Variants in AFG2A observed in about 807,000 individuals in gnomAD.
AFG2A encodes ATPase family gene 2 protein homolog A.
At chr4:123,214,744 G>T in the AFG2A span, among the ~76,000 whole-genome samples, 2 of 151,956 alleles carry the variant, frequency 1.3e-5, no homozygotes, top group Non-Finnish European at 2.9e-5. Context: ...TAAGGATGAA[G>T]ACATGAAGAC....
chr4:123,212,416 T>A, the AFG2A span, among the ~76,000 whole-genome samples: 1 of 152,186 alleles, frequency 6.6e-6, no homozygotes, highest in East Asian at 1.9e-4. Flanking sequence ...GAGGATTTAT[T>A]GTTTACAAAG....
At chr4:122,956,271 C>A in the AFG2A span, among the ~76,000 whole-genome samples, 1 of 152,138 alleles carries the variant, frequency 6.6e-6, no homozygotes, top group African/African-American at 2.4e-5. Context: ...AGTAGGAGTT[C>A]TACAGTGAGA....
the AFG2A span, among the ~76,000 whole-genome samples, chr4:123,087,972 G>A: frequency 2.0e-5 from 3 of 152,226 alleles, no homozygotes; most frequent in South Asian, 6.2e-4. Flanking sequence ...TACACTGCAG[G>A]CAGCCATGGT....
At chr4:122,932,040 G>A in the AFG2A span, among the ~76,000 whole-genome samples, 2 of 152,154 alleles carry the variant, frequency 1.3e-5, no homozygotes, top group African/African-American at 4.8e-5. Flanking sequence ...GCTGAGGTGG[G>A]TGGATCGCCT....
At chr4:122,923,312 A>G in the AFG2A span, 6 of 1,613,618 alleles carry the variant, frequency 3.7e-6, no homozygotes, top group Non-Finnish European at 5.1e-6. Flanking sequence ...AAGGGTAAAG[A>G]ATTCCGGGTG....
chr4:122,924,818 A>G, the AFG2A span, among the ~76,000 whole-genome samples: 138,012 of 152,050 alleles, frequency 0.91, 62,865 homozygotes, highest in East Asian at 0.96. Context: ...GTCACAGATC[A>G]GCACTTTTCT....
At chr4:123,248,416 C>T in the AFG2A span, among the ~76,000 whole-genome samples, 1 of 152,126 alleles carries the variant, frequency 6.6e-6, no homozygotes, top group Non-Finnish European at 1.5e-5. Context: ...ATTCCTGGAA[C>T]ATTGAGAATT....
the AFG2A span, among the ~76,000 whole-genome samples, chr4:123,097,196 A>G: frequency 6.6e-6 from 1 of 152,046 alleles, no homozygotes; most frequent in African/African-American, 2.4e-5. Context: ...AATATTTAGG[A>G]ATGTCCACAA....
the AFG2A span, among the ~76,000 whole-genome samples, chr4:123,161,243 T>C: frequency 1.3e-5 from 2 of 152,208 alleles, no homozygotes; most frequent in African/African-American, 4.8e-5. Context: ...ATGTTTATCA[T>C]ATACAATATT....
At chr4:123,262,734 C>A in the AFG2A span, among the ~76,000 whole-genome samples, 10 of 152,232 alleles carry the variant, frequency 6.6e-5, no homozygotes, top group Admixed American at 3.9e-4. Context: ...CAATTAATTT[C>A]TTTTATTTCC....
chr4:123,088,161 T>C, the AFG2A span, among the ~76,000 whole-genome samples: 1 of 152,234 alleles, frequency 6.6e-6, no homozygotes, highest in African/African-American at 2.4e-5. Flanking sequence ...TGAGCCATTG[T>C]GCACTTTATC....
At chr4:123,262,503 C>A in the AFG2A span, among the ~76,000 whole-genome samples, 2 of 152,228 alleles carry the variant, frequency 1.3e-5, no homozygotes, top group Non-Finnish European at 2.9e-5. Context: ...TGTGTCAACA[C>A]AACGTTCTTT....
At chr4:123,303,547 T>C in the AFG2A span, among the ~76,000 whole-genome samples, 5 of 152,260 alleles carry the variant, frequency 3.3e-5, 1 homozygote, top group South Asian at 1.0e-3. Flanking sequence ...GGAGGACCAC[T>C]TGAGGCCAGG....
chr4:123,288,333 G>A, the AFG2A span, among the ~76,000 whole-genome samples: 8 of 152,232 alleles, frequency 5.3e-5, no homozygotes, highest in Middle Eastern at 3.4e-3. Context: ...TTTTATGGTG[G>A]TGGTAAAGCT....
chr4:123,076,611 T>TA, the AFG2A span, among the ~76,000 whole-genome samples: 1 of 144,184 alleles, frequency 6.9e-6, no homozygotes, highest in Non-Finnish European at 1.5e-5. Context: ...TTTTGGGGGG[T>TA]GGGGGGTGAT....
chr4:123,099,148 A>G, the AFG2A span, among the ~76,000 whole-genome samples: 1 of 151,828 alleles, frequency 6.6e-6, no homozygotes, highest in African/African-American at 2.4e-5. Flanking sequence ...CCTGTTGGCT[A>G]TTTGTATGTC....
chr4:123,076,247 G>A, the AFG2A span, among the ~76,000 whole-genome samples: 15 of 152,156 alleles, frequency 9.9e-5, no homozygotes, highest in Middle Eastern at 3.4e-3. Context: ...CAGTCTGGGC[G>A]ACAGTGAGAC....
chr4:123,248,488 T>G, the AFG2A span, among the ~76,000 whole-genome samples: 4 of 152,236 alleles, frequency 2.6e-5, no homozygotes, highest in Non-Finnish European at 4.4e-5. Context: ...AAGTTAGCTT[T>G]GTACATCTCT....
At chr4:122,938,355 A>C in the AFG2A span, 1 of 1,255,444 alleles carries the variant, frequency 8.0e-7, no homozygotes, top group Non-Finnish European at 1.0e-6. Flanking sequence ...TTTTAGGATA[A>C]AGGAAAAATA....
Sources: gnomAD v4.1 joint callset for allele counts (sites outside exome capture counted in the v4.1 genomes callset) on GRCh38, gnomAD v4.1.1 for gene constraint, MANE v1.5 for transcripts, NCBI Gene and HGNC (gene_info 2026-07-23, HGNC 2026-07-21) for gene names.